Variants in TUT4 observed in about 807,000 individuals in gnomAD.
TUT4 encodes terminal uridylyl transferase 4.
In TUT4, 36 loss-of-function variants were observed where a neutral mutation model predicts 192.2. That is an observed-to-expected ratio of 0.19 (90% CI 0.14 to 0.25). TUT4 has a LOEUF of 0.25. TUT4 is among the 10% of genes least tolerant of loss of function. The pLI, the probability that TUT4 is intolerant of heterozygous loss-of-function variation, is 1.00. For missense variants in TUT4, 1,493 were observed against 1,957.2 expected, an observed-to-expected ratio of 0.76 and a Z score of 4.47; for synonymous variants, 618 against 666.0, an observed-to-expected ratio of 0.93 and a Z score of 1.11.
chr1:52,540,624 C>T (rs1482355971), intron 1 of TUT4, among the ~76,000 whole-genome samples: 2 of 152,062 alleles, frequency 1.3e-5, no homozygotes, highest in African/African-American at 4.8e-5. Context: ...TAGAGTCTTG[C>T]AGTATTTCCA....
At chr1:52,444,645 A>T (rs995633601) in intron 24 of TUT4, among the ~76,000 whole-genome samples, 10 of 149,896 alleles carry the variant, frequency 6.7e-5, no homozygotes, top group Non-Finnish European at 1.2e-4. Context: ...ATCTGCACTT[A>T]ATCTAGTGTG....
intron 9 of TUT4, among the ~76,000 whole-genome samples, chr1:52,483,354 GTTA>G (rs1194674214): frequency 6.6e-6 from 1 of 151,986 alleles, no homozygotes; most frequent in African/African-American, 2.4e-5. Flanking sequence ...TTTGAAAGAT[GTTA>G]TTTTTCCCAA....
At chr1:52,471,837 A>G in intron 14 of TUT4, 115 bp downstream of exon 14, 3 of 1,127,544 alleles carry the variant, frequency 2.7e-6, no homozygotes, top group Non-Finnish European at 3.7e-6. Flanking sequence ...TTGGGTATCT[A>G]TTCAAAAACC....
At chr1:52,475,815 T>C (rs539331140) in intron 12 of TUT4, among the ~76,000 whole-genome samples, 1 of 152,254 alleles carries the variant, frequency 6.6e-6, no homozygotes, top group Admixed American at 6.5e-5. Flanking sequence ...ACTAAGTAAT[T>C]AGTTTCAATG....
chr1:52,497,995 A>ATAT (rs991140131), intron 4 of TUT4, among the ~76,000 whole-genome samples: 9 of 152,156 alleles, frequency 5.9e-5, no homozygotes, highest in Admixed American at 3.9e-4. Flanking sequence ...CTCCCATCAG[A>ATAT]TATAATAGCC....
rs1277837585 is a variant in TUT4 at position 52,481,585 on chromosome 1, T to C, written c.1686A>G (p.Ile562Met). 1.2e-6 allele frequency: 2 copies of C among 1,613,660 alleles called. No homozygotes were observed. The highest frequency in any genetic ancestry group is 4.5e-5 in the East Asian group (2 of 44,830). ...CCCACTTCACAAACTTCTCTTCTAC[T>C]ATGCCCTTCAGCTGAAAGTCATCCA... is the stretch of plus-strand genomic sequence containing the variant. ...KRMDDFQLKG[I>M]VEEKFVKWEC... The change falls in exon 11 of 30, where the codon ATA (isoleucine) becomes ATG (methionine). Residue 562 changes from isoleucine (I) to methionine (M), a missense_variant. Ile to Met is a conservative substitution (Grantham distance 10). Coordinates refer to ENST00000257177, the MANE Select transcript of TUT4 (RefSeq NM_001009881.3).
rs1238157715 is a variant in TUT4, at chr1:52,458,212, A to G, written c.3435+124T>C. On this transcript the variant is annotated intron_variant, in intron 20 of 29. Coordinates refer to ENST00000257177, the MANE Select transcript of TUT4 (RefSeq NM_001009881.3). ...TTGTTTAATTATAGCATTAATGGAAAGAGAAAACTTAGGACAACCATGATG... is the reference window on the plus strand; with the variant it reads ...TTGTTTAATTATAGCATTAATGGAAGGAGAAAACTTAGGACAACCATGATG... 3 of 606,178 alleles carry G rather than the reference A, an allele frequency of 4.9e-6. No individual in the cohort carries two copies. In the African/African-American group the frequency reaches 5.6e-5, roughly 11 times the overall value. 37.5% of individuals were successfully genotyped at this position (606,178 alleles called of 1,614,324 possible). A position where few individuals can be genotyped will look rare whatever the true frequency, so the allele number is the denominator to read the frequency against.
At chr1:52,485,676 A>AT (rs138641589) in intron 9 of TUT4, among the ~76,000 whole-genome samples, 16 of 151,112 alleles carry the variant, frequency 1.1e-4, no homozygotes, top group African/African-American at 3.4e-4. Flanking sequence ...AGCATCTAGG[A>AT]TTTTTTTTTC....
At chr1:52,428,953 A>G (rs1395443707) in intron 28 of TUT4, among the ~76,000 whole-genome samples, 1 of 152,094 alleles carries the variant, frequency 6.6e-6, no homozygotes, top group Non-Finnish European at 1.5e-5. Context: ...AGTCAAAAAT[A>G]TTTTTAATGG....
intron 2 of TUT4, among the ~76,000 whole-genome samples, chr1:52,517,125 A>T (rs902569626): frequency 6.6e-6 from 1 of 152,200 alleles, no homozygotes; most frequent in African/African-American, 2.4e-5. Context: ...ATTCAGCTTA[A>T]GCACCACTTG....
intron 4 of TUT4, among the ~76,000 whole-genome samples, chr1:52,508,327 CA>C (rs34321361): frequency 0.13 from 10,211 of 78,492 alleles, 371 homozygotes; most frequent in African/African-American, 0.22. Flanking sequence ...ACTCTGTCTC[CA>C]AAAAAAAAAA....
At chr1:52,463,670 T>C (rs1663257414) in intron 16 of TUT4, 3 of 1,304,250 alleles carry the variant, frequency 2.3e-6, no homozygotes, top group Non-Finnish European at 3.0e-6. Context: ...TCTACAAGGA[T>C]ACCCTCCTTT....
chr1:52,496,264 A>G (rs1470843369), intron 5 of TUT4, among the ~76,000 whole-genome samples: 2 of 152,154 alleles, frequency 1.3e-5, no homozygotes, highest in Admixed American at 1.3e-4. Flanking sequence ...TAAACCCATA[A>G]AAATTCATTC....
chr1:52,446,137 T>A, intron 22 of TUT4, 128 bp downstream of exon 22: 1 of 1,303,970 alleles, frequency 7.7e-7, no homozygotes, highest in Non-Finnish European at 1.1e-6. Context: ...CCTCTAAAAT[T>A]ACACATTAAA....
Position 52,546,071 on chromosome 1 carries a change from A to G in TUT4, c.-94+6860T>C, listed in dbSNP as rs562457439. ...GGAGGATGGCTTGAGCCCAGGAGGC[A>G]GAGGTTGCAGTGAGCCAACACCATG... On this transcript the variant is annotated intron_variant, in intron 1 of 29. Transcript: ENST00000257177. Among the ~76,000 whole-genome samples the G allele has an allele frequency of 1.2e-4, 18 of 152,038 alleles. No individual in the cohort carries two copies. In the East Asian group the frequency reaches 3.5e-3, roughly 29 times the overall value.
Position 52,543,545 on chromosome 1 carries a change from G to A in TUT4, c.-94+9386C>T, listed in dbSNP as rs193083310. 2.2e-4 allele frequency among the ~76,000 whole-genome samples: 33 copies of A among 147,814 alleles called. No individual in the cohort carries two copies. In the East Asian group the frequency reaches 5.0e-3, roughly 22 times the overall value. On this transcript the variant is annotated intron_variant, in intron 1 of 29. Transcript: ENST00000257177. ...CTCTCCCAGACTGGAGTGCAATGGC[G>A]CAATCTCAGCTCACTGCAACCTCCG...
intron 28 of TUT4, among the ~76,000 whole-genome samples, chr1:52,428,265 A>ATCATGAGG (rs1650661468): frequency 6.6e-6 from 1 of 152,194 alleles, no homozygotes; most frequent in Non-Finnish European, 1.5e-5. Flanking sequence ...AGGCAGGCGG[A>ATCATGAGG]TCATGAGGTC....
chr1:52,471,337 C>A (rs993113883), intron 14 of TUT4, among the ~76,000 whole-genome samples: 1 of 152,166 alleles, frequency 6.6e-6, no homozygotes, highest in African/African-American at 2.4e-5. Flanking sequence ...TATGCATAAT[C>A]TTTGACGTTT....
chr1:52,539,255 C>A (rs563435825), intron 1 of TUT4, among the ~76,000 whole-genome samples: 2 of 152,158 alleles, frequency 1.3e-5, no homozygotes, highest in Non-Finnish European at 2.9e-5. Flanking sequence ...TTGAATATCA[C>A]TAGAAGATAG....
Sources: gnomAD v4.1 joint callset for allele counts (sites outside exome capture counted in the v4.1 genomes callset) on GRCh38, gnomAD v4.1.1 for gene constraint, MANE v1.5 for transcripts, NCBI Gene and HGNC (gene_info 2026-07-23, HGNC 2026-07-21) for gene names.